SHPRH: variants seen among roughly 807,000 people sequenced by gnomAD.
SHPRH encodes the protein SNF2 histone linker PHD RING helicase, also known as E3 ubiquitin-protein ligase SHPRH.
In SHPRH, 106 loss-of-function variants were observed where a neutral mutation model predicts 202.5. That is an observed-to-expected ratio of 0.52 (90% CI 0.45 to 0.62). The LOEUF is 0.62. Among genes scored for constraint, SHPRH ranks in the 20% least tolerant of loss-of-function variants. The pLI is 0.00. For synonymous variants in SHPRH, 729 were observed against 686.0 expected (o/e 1.06, Z -0.98); for missense variants, 1,710 against 2,020.0 (o/e 0.85, Z 2.94).
chr6:145,961,831 T>C (rs1789120822), intron 1 of SHPRH, among the ~76,000 whole-genome samples: 1 of 152,342 alleles, frequency 6.6e-6, no homozygotes, highest in Non-Finnish European at 1.5e-5. Flanking sequence ...GCTCCTGGTT[T>C]TGACTGAGTC....
rs1005728055 is a variant in SHPRH at position 145,885,362 on chromosome 6, T to C, written c.*1329A>G. ...AAAAGCATGTGTGTGTTTTCTTCAG[T>C]TGAATTACATCACTCTATAAACCTA... On this transcript the variant is annotated 3_prime_UTR_variant, in exon 30 of 30. Coordinates refer to ENST00000275233, the MANE Select transcript of SHPRH (RefSeq NM_001042683.3). 6.6e-6 allele frequency: 1 copy of C among 152,566 alleles called. No homozygotes were observed. 9.5% of individuals were successfully genotyped at this position (152,566 alleles called of 1,614,324 possible). A position where few individuals can be genotyped will look rare whatever the true frequency, so the allele number is the denominator to read the frequency against.
intron 11 of SHPRH, among the ~76,000 whole-genome samples, chr6:145,938,877 C>G (rs550742265): frequency 3.3e-4 from 50 of 152,240 alleles, no homozygotes; most frequent in Non-Finnish European, 5.3e-4. Flanking sequence ...AGGAAGCATT[C>G]TTCCATATTT....
intron 21 of SHPRH, 26 bp downstream of exon 21, chr6:145,921,141 T>C: frequency 6.4e-7 from 1 of 1,572,488 alleles, no homozygotes; most frequent in Non-Finnish European, 8.7e-7. Flanking sequence ...TTTTTAATTT[T>C]GGAAGGAAGT....
At chr6:145,956,379 T>C (rs908641575) in intron 1 of SHPRH, among the ~76,000 whole-genome samples, 1 of 152,088 alleles carries the variant, frequency 6.6e-6, no homozygotes. Context: ...CATAATTAAA[T>C]TACTGAAAAG....
At chr6:145,915,590 C>A (rs1308112467) in intron 23 of SHPRH, among the ~76,000 whole-genome samples, 1 of 151,814 alleles carries the variant, frequency 6.6e-6, no homozygotes, top group Non-Finnish European at 1.5e-5. Context: ...TTTCTTTTAG[C>A]ATTTTGAAGA....
intron 2 of SHPRH, among the ~76,000 whole-genome samples, chr6:145,875,948 T>C (rs1780281490): frequency 6.6e-6 from 1 of 152,238 alleles, no homozygotes; most frequent in Non-Finnish European, 1.5e-5. Context: ...GCATGCCAAA[T>C]GATATTTTTT....
chr6:145,932,470 CATAATAT>C (rs1364243591), intron 14 of SHPRH, among the ~76,000 whole-genome samples: 1 of 151,986 alleles, frequency 6.6e-6, no homozygotes, highest in Admixed American at 6.6e-5. Context: ...TAATTTTGTG[CATAATAT>C]ATAACACTAT....
rs751147734 is a variant in SHPRH at position 145,913,488 on chromosome 6, A to G, written c.4316T>C (p.Leu1439Pro). Residue 1439 changes from leucine (L) to proline (P), a missense_variant, in exon 24 of 30, where the codon CTA becomes CCA. By Grantham distance (98) the Leu-to-Pro change is moderately conservative. This residue lies in a region of SHPRH where 306 missense variants were observed against 479.5 expected (regional missense o/e 0.64). Coordinates refer to ENST00000275233, the MANE Select transcript of SHPRH (RefSeq NM_001042683.3). ...PEPCPICARQ[L>P]GKQWAVLTCG... The stretch of plus-strand genomic sequence containing the variant: ...TTATCATAATTTTACCTGTTTTCCT[A>G]GCTGTCGAGCACAGATTGGGCAAGG... The G allele has an allele frequency of 6.2e-7, 1 of 1,609,802 alleles. No homozygotes were observed. Among genetic ancestry groups the G allele is most frequent in the Non-Finnish European group, 8.5e-7 (1 of 1,177,924 alleles).
intron 2 of SHPRH, among the ~76,000 whole-genome samples, chr6:145,872,906 C>T (rs1780119936): frequency 6.6e-6 from 1 of 152,144 alleles, no homozygotes. Context: ...AGCTGGAGGC[C>T]ATCATCCTTA....
At chr6:145,890,766 C>A (rs1583306373) in intron 28 of SHPRH, among the ~76,000 whole-genome samples, 1 of 152,148 alleles carries the variant, frequency 6.6e-6, no homozygotes, top group Non-Finnish European at 1.5e-5. Context: ...TCTGCTCTAC[C>A]CTGTAGACTT....
intron 14 of SHPRH, among the ~76,000 whole-genome samples, chr6:145,932,838 ATGTT>A (rs67035461): frequency 0.082 from 12,504 of 152,206 alleles, 632 homozygotes; most frequent in South Asian, 0.12. Context: ...AAAAATGGAA[ATGTT>A]TGGTTAAATC....
At chr6:145,861,567 C>T (rs1779581544), downstream of SHPRH, among the ~76,000 whole-genome samples, 1 of 152,106 alleles carries the variant, frequency 6.6e-6, no homozygotes, top group Non-Finnish European at 1.5e-5. Context: ...ATAGAATTGC[C>T]ATTTGATCCA....
rs548278889 is a variant in SHPRH at position 145,894,737 on chromosome 6, A to G, written c.4608+148T>C. On this transcript the variant is annotated intron_variant, in intron 26 of 29. Transcript: ENST00000275233. ...ACATCATCACATTTCTCTAAAAATAATTCTATCTTCTCTAAAAATAATTCT... is the reference window on the plus strand; with the variant it reads ...ACATCATCACATTTCTCTAAAAATAGTTCTATCTTCTCTAAAAATAATTCT... 3.3e-4 allele frequency: 191 copies of G among 586,938 alleles called. 1 individual carries two copies. Among genetic ancestry groups the G allele is most frequent in the Admixed American group, 3.5e-4 (10 of 28,356 alleles). The allele number at this position is 586,938 out of a possible 1,614,324, so 36.4% of individuals were successfully genotyped here.
rs1788378800 is a variant in SHPRH, at chr6:145,955,181, C to G, written c.142G>C (p.Asp48His). 2 of 1,613,722 alleles carry G rather than the reference C, an allele frequency of 1.2e-6. No individual in the cohort carries two copies. Among genetic ancestry groups the G allele is most frequent in the Non-Finnish European group, 1.7e-6 (2 of 1,179,958 alleles). The change falls in exon 2 of 30, where the codon GAT becomes CAT. Residue 48 changes from aspartate (D) to histidine (H), a missense_variant. By Grantham distance (81) the Asp-to-His change is moderately conservative. Coordinates refer to ENST00000275233, the MANE Select transcript of SHPRH (RefSeq NM_001042683.3). The stretch of plus-strand genomic sequence containing the variant: ...ATGATATAATGAGCAGAAGAGGTAT[C>G]TGAACCTGGGCAGGGCTGCTCGTCA... ...DDDEQPCPGSDTSSAHYIILS... is the reference protein window; with the variant it reads ...DDDEQPCPGSHTSSAHYIILS...
chr6:145,945,503 T>G lies in SHPRH; in HGVS notation c.1456A>C (p.Met486Leu). The G allele has an allele frequency of 6.2e-7, 1 of 1,613,348 alleles. No homozygotes were observed. The highest frequency in any genetic ancestry group is 8.5e-7 in the Non-Finnish European group (1 of 1,179,614). Residue 486 changes from methionine to leucine, a missense_variant, in exon 8 of 30, where the codon ATG becomes CTG. Physicochemically the swap from Met to Leu is conservative, Grantham distance 15. This residue lies in a region of SHPRH where 348 missense variants were observed against 356.9 expected (regional missense o/e 0.97). Coordinates refer to ENST00000275233, the MANE Select transcript of SHPRH (RefSeq NM_001042683.3). ...VQRNRSLLKRMLKCLIFEGLV... is the reference protein window; with the variant it reads ...VQRNRSLLKRLLKCLIFEGLV... Reference sequence around the variant, plus strand: ...CCTTCAAAAATTAAACATTTCAGCATCCGTTTCAAAAGACTCCTGTTCCGT... The same window carrying G: ...CCTTCAAAAATTAAACATTTCAGCAGCCGTTTCAAAAGACTCCTGTTCCGT...
intron 11 of SHPRH, among the ~76,000 whole-genome samples, chr6:145,939,399 T>C (rs990024023): frequency 2.0e-5 from 3 of 152,188 alleles, no homozygotes; most frequent in Non-Finnish European, 4.4e-5. Flanking sequence ...GAAGTCCAAA[T>C]AGCTCATTAA....
At chr6:145,912,376 T>A (rs1783573897) in intron 24 of SHPRH, among the ~76,000 whole-genome samples, 1 of 152,138 alleles carries the variant, frequency 6.6e-6, no homozygotes, top group Non-Finnish European at 1.5e-5. Context: ...AAACCTAGGT[T>A]ATGCTAGAAT....
chr6:145,950,006 T>C (rs1283900699), intron 4 of SHPRH, among the ~76,000 whole-genome samples: 1 of 152,102 alleles, frequency 6.6e-6, no homozygotes, highest in Non-Finnish European at 1.5e-5. Flanking sequence ...TTTCTTGGTT[T>C]TTAAAAATTC....
At chr6:145,929,625 A>G (rs932990352) in intron 14 of SHPRH, among the ~76,000 whole-genome samples, 1 of 152,048 alleles carries the variant, frequency 6.6e-6, no homozygotes, top group African/African-American at 2.4e-5. Flanking sequence ...GAAAATTACA[A>G]TTCAGAAGGA....
Sources: gnomAD v4.1 joint callset for allele counts (sites outside exome capture counted in the v4.1 genomes callset) on GRCh38, gnomAD v4.1.1 for gene constraint, gnomAD v4.1.1 regional missense constraint, MANE v1.5 for transcripts, NCBI Gene and HGNC (gene_info 2026-07-23, HGNC 2026-07-21) for gene names.